PTPRN2: variants seen among roughly 807,000 people sequenced by gnomAD.
The protein encoded by PTPRN2 is protein tyrosine phosphatase receptor type N2, also known as receptor-type tyrosine-protein phosphatase N2.
PTPRN2 carries 74 observed loss-of-function variants against 118.8 expected under a neutral mutation model. The ratio of observed to expected loss-of-function variants is 0.62; its 90% CI spans 0.52 to 0.76. The LOEUF (loss-of-function observed/expected upper bound fraction) is 0.76. Among genes scored for constraint, PTPRN2 ranks in the 30% least tolerant of loss-of-function variants. PTPRN2 has a pLI of 0.00. For synonymous variants in PTPRN2, 641 were observed against 608.0 expected (o/e 1.05, Z -0.80); for missense variants, 1,481 against 1,394.4 (o/e 1.06, Z -0.99).
intron 2 of PTPRN2, among the ~76,000 whole-genome samples, chr7:158,365,608 G>A (rs10239624): frequency 2.0e-5 from 3 of 151,234 alleles, no homozygotes; most frequent in East Asian, 1.9e-4. Flanking sequence ...GCATGCACAC[G>A]CACACACACC....
intron 2 of PTPRN2, among the ~76,000 whole-genome samples, chr7:158,345,101 G>T (rs970855530): frequency 3.9e-5 from 6 of 152,184 alleles, no homozygotes; most frequent in African/African-American, 1.4e-4. Context: ...GGTGGACCCT[G>T]CTGCCTGGGA....
chr7:158,455,758 C>G (rs10277700), intron 2 of PTPRN2, among the ~76,000 whole-genome samples: 45,723 of 110,784 alleles, frequency 0.41, 8,508 homozygotes, highest in Non-Finnish European at 0.42. Context: ...GAGAAGACAA[C>G]GGCATGGACG....
chr7:158,052,241 C>T (rs982039101), intron 11 of PTPRN2, among the ~76,000 whole-genome samples: 1 of 152,226 alleles, frequency 6.6e-6, no homozygotes, highest in African/African-American at 2.4e-5. Flanking sequence ...CATTCTCCAT[C>T]ATAAGTGATC....
rs1825018357 is a variant in PTPRN2, at chr7:158,529,077, GAA to G, written c.113-39294_113-39293del. Among the ~76,000 whole-genome samples the G allele has an allele frequency of 1.3e-5, 2 of 152,264 alleles. No homozygotes were observed. Among genetic ancestry groups the G allele is most frequent in the South Asian group, 4.1e-4 (2 of 4,822 alleles). On this transcript the variant is annotated intron_variant, in intron 1 of 22. Coordinates refer to ENST00000389418, the MANE Select transcript of PTPRN2 (RefSeq NM_002847.5). This position sits in a 1 kb window ranked among gnomAD's most constrained non-coding sequence, Gnocchi z 4.7. ...GGCAAATCTCAGCTCTGCAGCCTGA[GAA>G]AAGTCACCCAAATGCCTCAATCCCC...
chr7:157,689,468 G>A (rs948640577), intron 12 of PTPRN2, among the ~76,000 whole-genome samples: 1 of 152,198 alleles, frequency 6.6e-6, no homozygotes, highest in Non-Finnish European at 1.5e-5. Flanking sequence ...CAGCCGTCCA[G>A]CCCGCAGCGC....
intron 12 of PTPRN2, among the ~76,000 whole-genome samples, chr7:157,713,879 C>T (rs1798774207): frequency 6.6e-6 from 1 of 152,242 alleles, no homozygotes; most frequent in Non-Finnish European, 1.5e-5. Context: ...ACATGGCACA[C>T]ACCTGCTGCT....
chr7:158,078,482 A>T (rs1329060262), intron 11 of PTPRN2, among the ~76,000 whole-genome samples: 1 of 152,242 alleles, frequency 6.6e-6, no homozygotes, highest in East Asian at 1.9e-4. Flanking sequence ...CACTATTAGG[A>T]TTCCACATCA....
chr7:158,074,279 CT>C (rs1051448244), intron 11 of PTPRN2, among the ~76,000 whole-genome samples: 3 of 152,208 alleles, frequency 2.0e-5, no homozygotes, highest in Non-Finnish European at 4.4e-5. Flanking sequence ...GATCCCTCTG[CT>C]GGGAGGCTGG....
chr7:158,583,540 A>C (rs149420460), intron 1 of PTPRN2, among the ~76,000 whole-genome samples: 146 of 152,268 alleles, frequency 9.6e-4, no homozygotes, highest in Middle Eastern at 3.4e-3. Context: ...GCTTGGAAGA[A>C]GAGCTGCCAG....
At chr7:158,071,001 ATGG>A (rs1225229563) in intron 11 of PTPRN2, among the ~76,000 whole-genome samples, 47 of 42,928 alleles carry the variant, frequency 1.1e-3, no homozygotes, top group South Asian at 2.8e-3. Context: ...GGAGGTGCTC[ATGG>A]TGGTGGAGGT....
At chr7:158,431,222 C>T (rs1474467128) in intron 2 of PTPRN2, among the ~76,000 whole-genome samples, 1 of 151,270 alleles carries the variant, frequency 6.6e-6, no homozygotes, top group African/African-American at 2.4e-5. Flanking sequence ...CACTGGCTTA[C>T]ACTGGGTATA....
intron 3 of PTPRN2, among the ~76,000 whole-genome samples, chr7:158,267,769 CA>C (rs1187929839): frequency 2.0e-5 from 3 of 152,280 alleles, no homozygotes; most frequent in African/African-American, 7.2e-5. Context: ...CCAAGGGCAG[CA>C]AAAAACCCAA....
intron 12 of PTPRN2, among the ~76,000 whole-genome samples, chr7:157,738,052 G>A (rs1230613217): frequency 3.3e-5 from 5 of 152,202 alleles, no homozygotes; most frequent in Admixed American, 3.3e-4. Context: ...GTGGAGAGCT[G>A]TTATTTTGAA....
rs922717058 is a variant in PTPRN2 at position 157,831,379 on chromosome 7, T to C, written c.1788+67294A>G. Among the ~76,000 whole-genome samples the C allele has an allele frequency of 6.6e-6, 1 of 152,232 alleles. No individual in the cohort carries two copies. Among genetic ancestry groups the C allele is most frequent in the Non-Finnish European group, 1.5e-5 (1 of 68,034 alleles). On this transcript the variant is annotated intron_variant, in intron 12 of 22. Transcript: ENST00000389418. This position sits in a 1 kb window ranked among gnomAD's most constrained non-coding sequence, Gnocchi z 4.8. ...TAAGCCTTCTCTCGTTGGGGTTTTC[T>C]GTTATTTCTTCCCGAAGCATCTTAA...
chr7:157,597,008 A>G (rs888725473), intron 16 of PTPRN2, among the ~76,000 whole-genome samples: 2 of 152,194 alleles, frequency 1.3e-5, no homozygotes, highest in African/African-American at 4.8e-5. Context: ...CGTTTTCTTT[A>G]ACAGCGAGCC....
intron 3 of PTPRN2, among the ~76,000 whole-genome samples, chr7:158,311,892 TA>T (rs1334102579): frequency 7.9e-6 from 1 of 127,136 alleles, no homozygotes; most frequent in Non-Finnish European, 1.7e-5. Context: ...CCTGCACGTG[TA>T]GACACCCACA....
intron 2 of PTPRN2, among the ~76,000 whole-genome samples, chr7:158,359,739 G>C (rs1422928217): frequency 6.6e-6 from 1 of 152,184 alleles, no homozygotes; most frequent in Non-Finnish European, 1.5e-5. Flanking sequence ...TCGATGAACG[G>C]ATAATGAAAG....
chr7:157,666,674 G>T (rs1796151849), intron 13 of PTPRN2, among the ~76,000 whole-genome samples: 1 of 152,226 alleles, frequency 6.6e-6, no homozygotes, highest in Non-Finnish European at 1.5e-5. Flanking sequence ...GCCAAAAGCT[G>T]CGTGTGTGTT....
chr7:158,164,885 A>G lies in PTPRN2; in HGVS notation c.910+2046T>C, dbSNP rs992995601. Reference sequence around the variant, plus strand: ...AAGCTGAAGGTCACCTCAGCCATGTATTCACCGCCTGTGGCCAAGGGCTGA... The same window carrying G: ...AAGCTGAAGGTCACCTCAGCCATGTGTTCACCGCCTGTGGCCAAGGGCTGA... On this transcript the variant is annotated intron_variant, in intron 6 of 22. Coordinates refer to ENST00000389418, the MANE Select transcript of PTPRN2 (RefSeq NM_002847.5). Among the ~76,000 whole-genome samples the G allele has an allele frequency of 1.5e-4, 23 of 152,158 alleles. 1 individual carries two copies. The highest frequency in any genetic ancestry group is 5.1e-4 in the African/African-American group (21 of 41,442).
Sources: gnomAD v4.1 joint callset for allele counts (sites outside exome capture counted in the v4.1 genomes callset) on GRCh38, gnomAD v4.1.1 for gene constraint, Gnocchi (gnomAD v3.1) non-coding constraint, MANE v1.5 for transcripts, NCBI Gene and HGNC (gene_info 2026-07-23, HGNC 2026-07-21) for gene names.